The following TCF12 variants were observed in gnomAD, a reference collection of about 807,000 sequenced individuals.
TCF12 encodes transcription factor 12, also known as DNA-binding protein HTF4.
In TCF12, 45 loss-of-function variants were observed where a neutral mutation model predicts 86.0. The observed-to-expected ratio is 0.52, with a 90% confidence interval of 0.41 to 0.67. TCF12 has a LOEUF of 0.67. Ranked by LOEUF, TCF12 falls within the 30% of genes least tolerant of loss-of-function variation. TCF12 has a pLI of 0.00. For missense variants in TCF12, 881 were observed against 859.9 expected (o/e 1.02, Z -0.31); for synonymous variants, 330 against 299.6 (o/e 1.10, Z -1.05).
chr15:57,122,006 T>TA, intron 5 of TCF12, among the ~76,000 whole-genome samples: 1 of 151,866 alleles, frequency 6.6e-6, no homozygotes, highest in Non-Finnish European at 1.5e-5. Flanking sequence ...ATTTGTGTAT[T>TA]ACATATTTAG....
At chr15:57,063,632 C>CTTA (rs2068625214) in intron 3 of TCF12, 118 bp from the exon 4 acceptor site, 2 of 653,768 alleles carry the variant, frequency 3.1e-6, no homozygotes. Flanking sequence ...AGGATTGATA[C>CTTA]TTAGCTCTTC....
intron 5 of TCF12, among the ~76,000 whole-genome samples, chr15:57,136,265 A>G (rs567581311): frequency 8.5e-5 from 13 of 152,352 alleles, no homozygotes; most frequent in Admixed American, 7.8e-4. Context: ...GGACATACAC[A>G]GAAGTCAGAG....
chr15:57,180,806 ATTTTTTTT>A (rs34557385), intron 6 of TCF12, among the ~76,000 whole-genome samples: 12 of 82,128 alleles, frequency 1.5e-4, no homozygotes, highest in African/African-American at 5.6e-4. Flanking sequence ...GATGCTAATA[ATTTTTTTT>A]TTTTTTTTTT....
chr15:56,954,850 G>A (rs1208983114), intron 3 of TCF12, among the ~76,000 whole-genome samples: 4 of 151,908 alleles, frequency 2.6e-5, no homozygotes. Context: ...AGAGAACTGA[G>A]ATACCATCTC....
At chr15:57,011,322 G>GT (rs1454854199) in intron 3 of TCF12, among the ~76,000 whole-genome samples, 1 of 151,952 alleles carries the variant, frequency 6.6e-6, no homozygotes, top group Non-Finnish European at 1.5e-5. Flanking sequence ...AGATCTGGTT[G>GT]TTTATAAGTC....
intron 6 of TCF12, among the ~76,000 whole-genome samples, chr15:57,170,039 C>A (rs2055194404): frequency 6.6e-6 from 1 of 152,160 alleles, no homozygotes; most frequent in Non-Finnish European, 1.5e-5. Context: ...TTGAACTAAA[C>A]ATAATCACAT....
intron 5 of TCF12, among the ~76,000 whole-genome samples, chr15:57,103,908 T>C (rs565059289): frequency 2.0e-5 from 3 of 152,138 alleles, no homozygotes; most frequent in Non-Finnish European, 4.4e-5. Flanking sequence ...CTCAGGAGGC[T>C]GAGGTGGGAG....
intron 3 of TCF12, among the ~76,000 whole-genome samples, chr15:57,039,713 G>A (rs139604644): frequency 3.3e-5 from 5 of 152,108 alleles, no homozygotes; most frequent in African/African-American, 9.6e-5. Context: ...TATTAAGTCC[G>A]TAGACCTTCT....
Position 57,063,775 on chromosome 15 carries a change from ATC to A in TCF12, c.176_177del (p.Ser59LeufsTer12). The A allele has an allele frequency of 6.2e-7, 1 of 1,603,696 alleles. No homozygotes were observed. The highest frequency in any genetic ancestry group is 8.5e-7 in the Non-Finnish European group (1 of 1,172,150). On this transcript the variant is annotated frameshift_variant, in exon 4 of 21. Coordinates refer to ENST00000333725, the MANE Select transcript of TCF12 (RefSeq NM_207037.2). LOFTEE classifies it high-confidence loss of function. ...SGIDERGGTT[S>X]WGTSGQPSPS... Reference sequence around the variant, plus strand: ...GTATTGATGAAAGAGGAGGTACAACATCTTGGGGAACAAGTGGTCAACCAAGT... The same window carrying A: ...GTATTGATGAAAGAGGAGGTACAACATTGGGGAACAAGTGGTCAACCAAGT...
intron 8 of TCF12, among the ~76,000 whole-genome samples, chr15:57,208,278 C>A (rs557660600): frequency 1.3e-5 from 2 of 151,886 alleles, no homozygotes; most frequent in Non-Finnish European, 2.9e-5. Context: ...GTGATCCACC[C>A]GCCTCAGCCT....
chr15:57,096,517 T>TA (rs2049333988), intron 5 of TCF12, among the ~76,000 whole-genome samples: 1 of 151,244 alleles, frequency 6.6e-6, no homozygotes, highest in Non-Finnish European at 1.5e-5. Context: ...CTCAAGTCCC[T>TA]TATATATATA....
intron 8 of TCF12, among the ~76,000 whole-genome samples, chr15:57,221,117 C>A (rs2058569350): frequency 6.6e-6 from 1 of 151,906 alleles, no homozygotes; most frequent in Admixed American, 6.6e-5. Context: ...TGGACTGGGC[C>A]AGTGTTTGGT....
At chr15:56,951,043 A>G (rs2061250162) in intron 3 of TCF12, among the ~76,000 whole-genome samples, 1 of 152,094 alleles carries the variant, frequency 6.6e-6, no homozygotes, top group Non-Finnish European at 1.5e-5. Context: ...GATACGAGCC[A>G]CTGCGCCCGG....
At position 57,181,054 on chromosome 15, in the gene TCF12, T is replaced by C. The variant is rs112002918; in HGVS notation, c.391-11104T>C. ...TAGTCTCAATCTCCTGACCTCGTGATCCGCCCGCCTCGGTCTCCCAAAGTG... is the reference window on the plus strand; with the variant it reads ...TAGTCTCAATCTCCTGACCTCGTGACCCGCCCGCCTCGGTCTCCCAAAGTG... On this transcript the variant is annotated intron_variant, in intron 6 of 20. Coordinates refer to ENST00000333725, the MANE Select transcript of TCF12 (RefSeq NM_207037.2). Among the ~76,000 whole-genome samples the C allele has an allele frequency of 7.8e-4, 118 of 152,036 alleles. 4 individuals carry two copies. The highest frequency in any genetic ancestry group is 2.8e-3 in the African/African-American group (116 of 41,494).
At chr15:56,925,447 A>G (rs2059968220) in intron 3 of TCF12, among the ~76,000 whole-genome samples, 1 of 152,206 alleles carries the variant, frequency 6.6e-6, no homozygotes, top group Non-Finnish European at 1.5e-5. Context: ...TGAGTTTTTA[A>G]ACAAGCCTTT....
chr15:57,260,454 A>G (rs1597713968), intron 16 of TCF12, among the ~76,000 whole-genome samples: 1 of 152,194 alleles, frequency 6.6e-6, no homozygotes, highest in Non-Finnish European at 1.5e-5. Context: ...CTAAGTATAC[A>G]TATGTTTAAA....
At chr15:57,035,982 C>G (rs1302150358) in intron 3 of TCF12, among the ~76,000 whole-genome samples, 1 of 152,170 alleles carries the variant, frequency 6.6e-6, no homozygotes, top group African/African-American at 2.4e-5. Flanking sequence ...ATTGCTCACT[C>G]CTTATGAAAA....
At chr15:57,043,521 G>C (rs967770688) in intron 3 of TCF12, among the ~76,000 whole-genome samples, 1 of 152,040 alleles carries the variant, frequency 6.6e-6, no homozygotes, top group African/African-American at 2.4e-5. Flanking sequence ...TCTCACTGTG[G>C]TTTTGATTTG....
intron 6 of TCF12, among the ~76,000 whole-genome samples, chr15:57,188,557 A>G (rs2056808395): frequency 6.6e-6 from 1 of 152,196 alleles, no homozygotes; most frequent in East Asian, 1.9e-4. Context: ...ACCCTTTCCA[A>G]TTTCAAAACT....
Sources: allele counts gnomAD v4.1 joint callset (sites outside exome capture counted in the v4.1 genomes callset), GRCh38; gene constraint gnomAD v4.1.1; transcripts MANE v1.5; gene names NCBI Gene and HGNC (gene_info 2026-07-23, HGNC 2026-07-21).